The following DGKG variants were observed in gnomAD, a reference collection of about 807,000 sequenced individuals.
The protein encoded by DGKG is DAG kinase gamma.
Under a neutral mutation model 105.3 loss-of-function variants are expected in DGKG, and 78 were observed. The ratio of observed to expected loss-of-function variants is 0.74; its 90% confidence interval spans 0.62 to 0.89. The LOEUF is 0.89. Among genes scored for constraint, DGKG ranks in the 40% least tolerant of loss-of-function variants. DGKG has a pLI of 0.00. For synonymous variants in DGKG, 346 were observed against 367.1 expected, an observed-to-expected ratio of 0.94 and a Z score of 0.66; for missense variants, 958 against 1,020.1, an observed-to-expected ratio of 0.94 and a Z score of 0.83.
intron 21 of DGKG, among the ~76,000 whole-genome samples, chr3:186,188,615 G>C (rs1717756966): frequency 6.6e-6 from 1 of 152,120 alleles, no homozygotes; most frequent in Non-Finnish European, 1.5e-5. Context: ...GGGGAATACA[G>C]TACAGGCTCC....
chr3:186,229,936 T>C (rs1193750030), intron 20 of DGKG, among the ~76,000 whole-genome samples: 2 of 152,050 alleles, frequency 1.3e-5, no homozygotes, highest in Admixed American at 1.3e-4. Flanking sequence ...ACAAAGAGGG[T>C]GCAGCAAAGT....
At chr3:186,173,536 C>T (rs76838379) in intron 22 of DGKG, among the ~76,000 whole-genome samples, 2,286 of 152,322 alleles carry the variant, frequency 0.015, 64 homozygotes, top group African/African-American at 0.053. Flanking sequence ...ACTAAGGCGC[C>T]GGCAGGCATG....
intron 24 of DGKG, chr3:186,160,951 C>G: frequency 4.1e-6 from 4 of 985,386 alleles, no homozygotes; most frequent in Non-Finnish European, 4.8e-6. Flanking sequence ...TTTTATTCAT[C>G]ATTTGACATG....
chr3:186,178,047 T>C (rs1277401630), intron 22 of DGKG, among the ~76,000 whole-genome samples: 1 of 152,096 alleles, frequency 6.6e-6, no homozygotes, highest in African/African-American at 2.4e-5. Context: ...AGATGATCTC[T>C]CCACATGAGG....
At chr3:186,239,000 T>G (rs1679995338) in intron 20 of DGKG, among the ~76,000 whole-genome samples, 1 of 152,194 alleles carries the variant, frequency 6.6e-6, no homozygotes, top group Non-Finnish European at 1.5e-5. Context: ...TTTAAGAATC[T>G]TCTGATAGTT....
chr3:186,278,487 G>A (rs894516282), intron 9 of DGKG, among the ~76,000 whole-genome samples: 7 of 152,034 alleles, frequency 4.6e-5, no homozygotes, highest in African/African-American at 1.7e-4. Flanking sequence ...GATGTCCTTG[G>A]GCAAGTTCCT....
chr3:186,323,810 G>A (rs573394779), intron 1 of DGKG, among the ~76,000 whole-genome samples: 2 of 152,094 alleles, frequency 1.3e-5, no homozygotes, highest in African/African-American at 4.8e-5. Context: ...GGTGGTGGGT[G>A]CCTGTAGTTC....
intron 19 of DGKG, among the ~76,000 whole-genome samples, chr3:186,249,129 C>T (rs770279475): frequency 1.1e-4 from 17 of 152,048 alleles, no homozygotes; most frequent in Admixed American, 2.0e-4. Context: ...CCTTTGAGCA[C>T]GAAGAGGAGG....
chr3:186,245,027 G>C lies in DGKG; in HGVS notation c.1762-2459C>G, dbSNP rs546199664. Among the ~76,000 whole-genome samples the C allele has an allele frequency of 5.9e-5, 9 of 152,180 alleles. No homozygotes were observed. In the South Asian group the frequency reaches 1.5e-3, roughly 25 times the overall value. ...GTCTGTCAGGAAAAAAAAAGTGGAG[G>C]GGGGCGGGGAAGAAAAAAGCAATCA... On this transcript the variant is annotated intron_variant, in intron 19 of 24. Transcript: ENST00000265022.
intron 13 of DGKG, among the ~76,000 whole-genome samples, chr3:186,266,076 T>C (rs1000738507): frequency 2.0e-5 from 3 of 152,226 alleles, no homozygotes; most frequent in African/African-American, 7.2e-5. Context: ...TTCTCACATA[T>C]AGTAAAATGC....
At chr3:186,297,064 T>TCACACACACACACACACACA (rs1177958964) in intron 5 of DGKG, among the ~76,000 whole-genome samples, 2 of 78,504 alleles carry the variant, frequency 2.5e-5, no homozygotes, top group African/African-American at 1.0e-4. Flanking sequence ...TCTGTCTGTC[T>TCACACACACACACACACACA]CTCTCACACA....
intron 22 of DGKG, among the ~76,000 whole-genome samples, chr3:186,185,343 G>A (rs1236400042): frequency 6.6e-6 from 1 of 152,210 alleles, no homozygotes; most frequent in East Asian, 1.9e-4. Context: ...AGCTCTGAAA[G>A]CACATTGTAG....
At chr3:186,297,072 A>T (rs562734981) in intron 5 of DGKG, among the ~76,000 whole-genome samples, 56 of 137,646 alleles carry the variant, frequency 4.1e-4, no homozygotes, top group African/African-American at 1.5e-3. Flanking sequence ...TCTCTCTCAC[A>T]CACACACACA....
chr3:186,334,713 G>A (rs1725748998), intron 1 of DGKG, among the ~76,000 whole-genome samples: 1 of 152,130 alleles, frequency 6.6e-6, no homozygotes, highest in Non-Finnish European at 1.5e-5. Flanking sequence ...CAAATATTAT[G>A]CTCATTTTAA....
chr3:186,211,563 G>C (rs1451120667), intron 21 of DGKG, among the ~76,000 whole-genome samples: 1 of 152,234 alleles, frequency 6.6e-6, no homozygotes, highest in African/African-American at 2.4e-5. Context: ...ATGAAGTGTG[G>C]CTCTGGGCTC....
intron 18 of DGKG, 123 bp from the exon 19 acceptor site, chr3:186,252,042 TGTGGG>T: frequency 1.1e-6 from 1 of 908,670 alleles, no homozygotes; most frequent in Non-Finnish European, 1.6e-6. Context: ...CCACTGTGTC[TGTGGG>T]CTAGAGACAC....
chr3:186,353,788 G>A (rs1726771630), intron 1 of DGKG, among the ~76,000 whole-genome samples: 1 of 151,802 alleles, frequency 6.6e-6, no homozygotes, highest in African/African-American at 2.4e-5. Context: ...AGCATGAAGT[G>A]GGTGCTCAGC....
intron 5 of DGKG, among the ~76,000 whole-genome samples, chr3:186,290,926 C>T (rs537935877): frequency 2.6e-5 from 4 of 152,296 alleles, no homozygotes; most frequent in African/African-American, 9.6e-5. Context: ...TGGAGAGAAC[C>T]AGGAGTAATG....
At position 186,231,869 on chromosome 3, in the gene DGKG, C is replaced by T. The variant is rs541639141; in HGVS notation, c.1826+10635G>A. Among the ~76,000 whole-genome samples, 2 of 152,088 alleles carry T rather than the reference C, an allele frequency of 1.3e-5. No individual in the cohort carries two copies. Among genetic ancestry groups the T allele is most frequent in the East Asian group, 1.9e-4 (1 of 5,176 alleles). ...CCTGAAGGCGGCCATGTCAGTGAGC[C>T]GAGATAGAGCCACTGACTCCAGCCT... On this transcript the variant is annotated intron_variant, in intron 20 of 24. Transcript: ENST00000265022. The surrounding 1 kb of genome is among the most constrained non-coding windows in gnomAD (Gnocchi z 4.5).
Sources: allele counts gnomAD v4.1 joint callset (sites outside exome capture counted in the v4.1 genomes callset), GRCh38; gene constraint gnomAD v4.1.1; non-coding constraint Gnocchi (gnomAD v3.1); transcripts MANE v1.5; gene names NCBI Gene and HGNC (gene_info 2026-07-23, HGNC 2026-07-21).